Variants in RBFOX1 observed in about 807,000 individuals in gnomAD.
The protein encoded by RBFOX1 is RNA binding protein fox-1 homolog 1.
RBFOX1 carries 8 observed loss-of-function variants against 57.7 expected under a neutral mutation model. The observed-to-expected ratio is 0.14, with a 90% CI of 0.08 to 0.25. The LOEUF is 0.25. Ranked by LOEUF, RBFOX1 falls within the 10% of genes least tolerant of loss-of-function variation. RBFOX1 has a pLI of 1.00. For synonymous variants in RBFOX1, 326 were observed against 222.4 expected (o/e 1.47, Z -4.15); for missense variants, 611 against 548.5 (o/e 1.11, Z -1.14).
intron 3 of RBFOX1, among the ~76,000 whole-genome samples, chr16:5,735,668 G>A (rs1278646296): frequency 1.3e-5 from 2 of 152,142 alleles, no homozygotes; most frequent in Non-Finnish European, 1.5e-5. Context: ...AGGCCAAAGT[G>A]GGTGGGTCAC....
intron 2 of RBFOX1, among the ~76,000 whole-genome samples, chr16:6,532,348 G>A (rs1250871634): frequency 1.3e-5 from 2 of 152,126 alleles, no homozygotes; most frequent in South Asian, 4.2e-4. Flanking sequence ...AGAGAAGGTC[G>A]ATTTCTATCC....
chr16:7,250,630 G>A (rs1481863572), intron 4 of RBFOX1, among the ~76,000 whole-genome samples: 2 of 152,230 alleles, frequency 1.3e-5, no homozygotes, highest in African/African-American at 2.4e-5. Flanking sequence ...CAGACACTGA[G>A]CAAGCATTTA....
chr16:5,525,610 G>A (rs1265849379), intron 2 of RBFOX1, among the ~76,000 whole-genome samples: 2 of 146,742 alleles, frequency 1.4e-5, no homozygotes, highest in Non-Finnish European at 3.0e-5. Flanking sequence ...CAATTCTCCT[G>A]CCTCAGCCTA....
chr16:6,200,499 T>A (rs1474478945), intron 1 of RBFOX1, among the ~76,000 whole-genome samples: 4 of 152,132 alleles, frequency 2.6e-5, no homozygotes, highest in Non-Finnish European at 4.4e-5. Flanking sequence ...ACATATGTGT[T>A]CCTAAAAATC....
chr16:6,890,373 G>A, intron 3 of RBFOX1, among the ~76,000 whole-genome samples: 1 of 152,136 alleles, frequency 6.6e-6, no homozygotes, highest in East Asian at 1.9e-4. Flanking sequence ...ACGAAAATTA[G>A]CTGGGCGTGG....
At chr16:6,099,799 G>T (rs576774197) in intron 1 of RBFOX1, among the ~76,000 whole-genome samples, 4 of 152,096 alleles carry the variant, frequency 2.6e-5, no homozygotes, top group Non-Finnish European at 5.9e-5. Context: ...ACCCAACTCC[G>T]GGCATCCTTC....
intron 1 of RBFOX1, among the ~76,000 whole-genome samples, chr16:5,354,806 G>A (rs1187598815): frequency 6.6e-6 from 1 of 152,220 alleles, no homozygotes; most frequent in Admixed American, 6.5e-5. Flanking sequence ...TGCATCTCAG[G>A]GGAGTTTCTG....
chr16:5,252,086 C>G (rs144631467), intron 1 of RBFOX1, among the ~76,000 whole-genome samples: 185 of 152,270 alleles, frequency 1.2e-3, no homozygotes, highest in African/African-American at 4.0e-3. Flanking sequence ...CACCTCCAAG[C>G]CCAGCTTAGA....
At chr16:7,632,949 G>C (rs1269748004) in intron 11 of RBFOX1, among the ~76,000 whole-genome samples, 1 of 152,168 alleles carries the variant, frequency 6.6e-6, no homozygotes. Flanking sequence ...ATTCTAAAGT[G>C]AATTGGGGAA....
chr16:7,156,460 T>C (rs1037206242), intron 4 of RBFOX1, among the ~76,000 whole-genome samples: 2 of 152,148 alleles, frequency 1.3e-5, no homozygotes, highest in Admixed American at 6.6e-5. Flanking sequence ...TGTGTACATA[T>C]ACATGCACAT....
At chr16:6,016,827 TG>T (rs2094996604), upstream of RBFOX1, among the ~76,000 whole-genome samples, 1 of 152,174 alleles carries the variant, frequency 6.6e-6, no homozygotes, top group Non-Finnish European at 1.5e-5. Flanking sequence ...AAACTCTACT[TG>T]GAATGCGAAA....
At chr16:6,441,738 C>G (rs8053405) in intron 2 of RBFOX1, among the ~76,000 whole-genome samples, 32,908 of 152,128 alleles carry the variant, frequency 0.22, 3,834 homozygotes, top group East Asian at 0.3. Context: ...TCTCTTATTT[C>G]TGACTGTCTG....
At chr16:6,657,280 C>G (rs905239796) in intron 3 of RBFOX1, among the ~76,000 whole-genome samples, 1 of 151,954 alleles carries the variant, frequency 6.6e-6, no homozygotes, top group Admixed American at 6.6e-5. Context: ...TATACTCACG[C>G]TATAGTTTCT....
chr16:7,185,980 T>C (rs139149318), intron 4 of RBFOX1, among the ~76,000 whole-genome samples: 1 of 152,198 alleles, frequency 6.6e-6, no homozygotes, highest in South Asian at 2.1e-4. Context: ...TTAGTTCCTA[T>C]GTTTATTGGC....
chr16:7,023,771 C>G (rs570819528), intron 3 of RBFOX1, among the ~76,000 whole-genome samples: 14 of 152,090 alleles, frequency 9.2e-5, no homozygotes, highest in South Asian at 2.1e-4. Context: ...TTCCACTTAG[C>G]TCAAATACAG....
intron 3 of RBFOX1, among the ~76,000 whole-genome samples, chr16:5,783,462 A>C (rs2054393648): frequency 6.6e-6 from 1 of 152,208 alleles, no homozygotes; most frequent in African/African-American, 2.4e-5. Context: ...ATTTCATTAA[A>C]TAAAAGATGC....
In RBFOX1 at chr16:7,711,972, A is replaced by C. The variant is rs955972882; in HGVS notation, c.*1227A>C. The C allele has an allele frequency of 2.6e-5, 4 of 152,544 alleles. No homozygotes were observed. Among genetic ancestry groups the C allele is most frequent in the African/African-American group, 9.7e-5 (4 of 41,420 alleles). 9.4% of individuals were successfully genotyped at this position (152,544 alleles called of 1,614,324 possible). A position where few individuals can be genotyped will look rare whatever the true frequency, so the allele number is the denominator to read the frequency against. ...TTCCCATACCCCCAAGGATTATCTC[A>C]AAATGATCTCTTTAGTTCTGTCTCC... On this transcript the variant is annotated 3_prime_UTR_variant, in exon 16 of 16. Coordinates refer to ENST00000550418, the MANE Select transcript of RBFOX1 (RefSeq NM_018723.4).
chr16:6,592,060 T>G (rs1490957305), intron 2 of RBFOX1, among the ~76,000 whole-genome samples: 2 of 152,212 alleles, frequency 1.3e-5, no homozygotes, highest in African/African-American at 4.8e-5. Flanking sequence ...TCCATGTGTG[T>G]GAAATTGGAG....
intron 4 of RBFOX1, among the ~76,000 whole-genome samples, chr16:7,236,377 T>G (rs935052534): frequency 1.3e-5 from 2 of 152,200 alleles, no homozygotes; most frequent in Admixed American, 1.3e-4. Flanking sequence ...CTATTTTGTC[T>G]AGAGGGGCGT....
Sources: gnomAD v4.1 joint callset for allele counts (sites outside exome capture counted in the v4.1 genomes callset) on GRCh38, gnomAD v4.1.1 for gene constraint, MANE v1.5 for transcripts, NCBI Gene and HGNC (gene_info 2026-07-23, HGNC 2026-07-21) for gene names.